DCLK1: variants seen among roughly 807,000 people sequenced by gnomAD.
DCLK1 encodes the protein doublecortin like kinase 1.
A neutral mutation model predicts 86.2 loss-of-function variants in DCLK1; 16 were observed. The ratio of observed to expected loss-of-function variants is 0.19; its 90% CI spans 0.13 to 0.28. The LOEUF (loss-of-function observed/expected upper bound fraction) is 0.28. Ranked by LOEUF, DCLK1 falls within the 10% of genes least tolerant of loss-of-function variation. The pLI is 1.00. For synonymous variants in DCLK1, 369 were observed against 370.5 expected (o/e 1.00, Z 0.05); for missense variants, 590 against 940.2 (o/e 0.63, Z 4.87).
intron 3 of DCLK1, among the ~76,000 whole-genome samples, chr13:36,022,555 A>G (rs747280279): frequency 4.6e-5 from 7 of 152,138 alleles, no homozygotes; most frequent in African/African-American, 1.7e-4. Context: ...AGAAATCTCA[A>G]AATACTAAGA....
chr13:36,081,253 A>C (rs1884409604), intron 3 of DCLK1, among the ~76,000 whole-genome samples: 1 of 152,162 alleles, frequency 6.6e-6, no homozygotes, highest in Non-Finnish European at 1.5e-5. Context: ...TTCCCTCAAA[A>C]TTATTCCTTT....
intron 3 of DCLK1, among the ~76,000 whole-genome samples, chr13:36,070,321 G>C (rs913670488): frequency 5.9e-5 from 9 of 152,146 alleles, no homozygotes; most frequent in African/African-American, 2.2e-4. Context: ...CAAAGCCCAT[G>C]AAAGTCTTTT....
chr13:35,786,648 A>G (rs1278374684), intron 16 of DCLK1, among the ~76,000 whole-genome samples: 2 of 152,172 alleles, frequency 1.3e-5, no homozygotes, highest in Non-Finnish European at 2.9e-5. Context: ...TTCTGGAAGT[A>G]TATATTCTTT....
At chr13:36,052,605 C>T (rs976005333) in intron 3 of DCLK1, among the ~76,000 whole-genome samples, 16 of 152,062 alleles carry the variant, frequency 1.1e-4, no homozygotes, top group Non-Finnish European at 1.8e-4. Flanking sequence ...TACATAGTCT[C>T]TTAGAAAGAC....
chr13:36,088,497 A>G (rs1008464626), intron 3 of DCLK1, among the ~76,000 whole-genome samples: 1 of 152,224 alleles, frequency 6.6e-6, no homozygotes, highest in Admixed American at 6.5e-5. Context: ...GGCCTCAGCT[A>G]TGCTGTGGGA....
At chr13:36,001,145 T>C (rs1222857593) in intron 3 of DCLK1, among the ~76,000 whole-genome samples, 1 of 152,068 alleles carries the variant, frequency 6.6e-6, no homozygotes, top group Non-Finnish European at 1.5e-5. Flanking sequence ...ATGGGGTTTC[T>C]ACATGTTGGT....
intron 3 of DCLK1, among the ~76,000 whole-genome samples, chr13:36,091,414 T>G (rs1438410868): frequency 6.6e-6 from 1 of 152,238 alleles, no homozygotes; most frequent in East Asian, 1.9e-4. Context: ...TCTTCTGGGC[T>G]GTACTCTGAG....
At chr13:36,052,465 A>G (rs894461016) in intron 3 of DCLK1, among the ~76,000 whole-genome samples, 8 of 152,138 alleles carry the variant, frequency 5.3e-5, no homozygotes, top group African/African-American at 1.9e-4. Context: ...CTGAGTAATA[A>G]AAATATAGAA....
intron 4 of DCLK1, among the ~76,000 whole-genome samples, chr13:35,935,746 G>A (rs1050041219): frequency 6.6e-6 from 1 of 152,122 alleles, no homozygotes; most frequent in Non-Finnish European, 1.5e-5. Context: ...TAAAGATTAA[G>A]GATATATTGT....
chr13:35,918,540 T>C (rs541102284), intron 4 of DCLK1, among the ~76,000 whole-genome samples: 22 of 152,270 alleles, frequency 1.4e-4, no homozygotes, highest in African/African-American at 5.1e-4. Flanking sequence ...AGTGGGATCA[T>C]AAAACCAGCC....
At chr13:35,950,707 C>A (rs1877620039) in intron 3 of DCLK1, among the ~76,000 whole-genome samples, 1 of 152,154 alleles carries the variant, frequency 6.6e-6, no homozygotes, top group Non-Finnish European at 1.5e-5. Context: ...GACGCAAAGG[C>A]AGAAGTATCA....
intron 10 of DCLK1, 102 bp downstream of exon 10, chr13:35,827,533 G>T: frequency 7.1e-7 from 1 of 1,400,074 alleles, no homozygotes; most frequent in Non-Finnish European, 9.8e-7. Flanking sequence ...GTACAGAAAT[G>T]AGAACCTGAA....
rs201900666 is a variant in DCLK1 at position 35,841,520 on chromosome 13, GA to G, written c.1036-2345del. Among the ~76,000 whole-genome samples, 880 of 141,910 alleles carry G rather than the reference GA, an allele frequency of 6.2e-3. 7 individuals are homozygous for G. Among genetic ancestry groups the G allele is most frequent in the African/African-American group, 0.021 (806 of 38,876 alleles). The allele number at this position is 141,910 out of a possible 152,430, so 93.1% of individuals were successfully genotyped here. The stretch of plus-strand genomic sequence containing the variant: ...CTCTCAAGGATTTTAGGCTCTGGTG[GA>G]AAAAAAAAAAGGAAAAAAAAGTAGG... On this transcript the variant is annotated intron_variant, in intron 6 of 16. Coordinates refer to ENST00000360631, the MANE Select transcript of DCLK1 (RefSeq NM_001330071.2).
At chr13:35,781,481 GTCT>G (rs1263150768) in intron 16 of DCLK1, among the ~76,000 whole-genome samples, 10 of 152,162 alleles carry the variant, frequency 6.6e-5, no homozygotes, top group Non-Finnish European at 4.4e-5. Context: ...AGGCCTTACA[GTCT>G]ATGGACCAAA....
intron 4 of DCLK1, among the ~76,000 whole-genome samples, chr13:35,914,014 A>G (rs2153125279): frequency 1.3e-5 from 2 of 152,182 alleles, no homozygotes; most frequent in Middle Eastern, 6.8e-3. Flanking sequence ...ACGAATTTTT[A>G]GGAAATAAAA....
At chr13:36,023,312 A>G (rs188050186) in intron 3 of DCLK1, among the ~76,000 whole-genome samples, 204 of 152,330 alleles carry the variant, frequency 1.3e-3, no homozygotes, top group African/African-American at 4.7e-3. Flanking sequence ...TAGAGAGCCA[A>G]TGGTGCATGT....
chr13:36,078,261 C>T (rs574478765), intron 3 of DCLK1, among the ~76,000 whole-genome samples: 1 of 152,314 alleles, frequency 6.6e-6, no homozygotes, highest in South Asian at 2.1e-4. Context: ...CTATGAGAAA[C>T]ATATGTTTGC....
chr13:35,827,583 A>G (rs1353910928), intron 10 of DCLK1, 52 bp downstream of exon 10: 8 of 1,603,902 alleles, frequency 5.0e-6, no homozygotes, highest in Non-Finnish European at 6.8e-6. Flanking sequence ...TCTAGAATAT[A>G]GGCAAGTGCG....
At chr13:36,037,425 A>AT (rs763307757) in intron 3 of DCLK1, among the ~76,000 whole-genome samples, 9 of 151,790 alleles carry the variant, frequency 5.9e-5, no homozygotes, top group Non-Finnish European at 8.8e-5. Context: ...AAAGATATAT[A>AT]TTTAAGGTGG....
Sources: gnomAD v4.1 joint callset for allele counts (sites outside exome capture counted in the v4.1 genomes callset) on GRCh38, gnomAD v4.1.1 for gene constraint, MANE v1.5 for transcripts, NCBI Gene and HGNC (gene_info 2026-07-23, HGNC 2026-07-21) for gene names.